TNS1: variants seen among roughly 807,000 people sequenced by gnomAD.
The protein encoded by TNS1 is tensin 1.
A neutral mutation model predicts 168.6 loss-of-function variants in TNS1; 62 were observed. The observed-to-expected ratio is 0.37, with a 90% confidence interval of 0.30 to 0.45. TNS1 has a LOEUF of 0.45. TNS1 is among the 20% of genes least tolerant of loss of function. The probability of loss-of-function intolerance (pLI) is 1.00; values close to 1 mark genes in which losing one functional copy is unlikely to be tolerated. For missense variants in TNS1, 2,240 were observed against 2,339.4 expected (o/e 0.96, Z 0.88); for synonymous variants, 934 against 933.2 (o/e 1.00, Z -0.02).
intron 1 of TNS1, among the ~76,000 whole-genome samples, chr2:218,029,309 A>C (rs775588612): frequency 4.5e-5 from 3 of 67,284 alleles, no homozygotes; most frequent in Non-Finnish European, 9.7e-5. Flanking sequence ...GGCATCCCTC[A>C]CCCCCATCAA....
chr2:217,801,714 G>T lies in TNS1; in HGVS notation c.*2745C>A, dbSNP rs1315746000. ...GAGTGTTGTGTGTGCGTAGGTGTGTGCATGGGTGCACAGCCCGCCGTGACA... is the reference window on the plus strand; with the variant it reads ...GAGTGTTGTGTGTGCGTAGGTGTGTTCATGGGTGCACAGCCCGCCGTGACA... On this transcript the variant is annotated 3_prime_UTR_variant, in exon 33 of 33. Coordinates refer to ENST00000682258, the MANE Select transcript of TNS1 (RefSeq NM_001387777.1). The T allele has an allele frequency of 6.6e-6, 1 of 152,270 alleles. No homozygotes were observed. The highest frequency in any genetic ancestry group is 1.5e-5 in the Non-Finnish European group (1 of 68,060). 9.4% of individuals were successfully genotyped at this position (152,270 alleles called of 1,614,324 possible).
intron 6 of TNS1, chr2:217,903,568 C>T: frequency 2.0e-6 from 3 of 1,532,636 alleles, no homozygotes; most frequent in Non-Finnish European, 2.6e-6. Flanking sequence ...TCATCCAACT[C>T]TCTAAACACC....
intron 2 of TNS1, chr2:217,987,094 T>G (rs1031887156): frequency 3.9e-5 from 6 of 152,202 alleles, no homozygotes; most frequent in Admixed American, 3.3e-4. Context: ...AATTGATTTA[T>G]CCAAGATCAC....
intron 1 of TNS1, among the ~76,000 whole-genome samples, chr2:218,008,132 G>A (rs1313257232): frequency 5.9e-5 from 9 of 151,990 alleles, no homozygotes; most frequent in South Asian, 2.1e-4. Flanking sequence ...TTCCCCTACC[G>A]CCCCTTCCCC....
chr2:217,855,294 G>A (rs542740798), intron 18 of TNS1, among the ~76,000 whole-genome samples: 6 of 152,116 alleles, frequency 3.9e-5, no homozygotes, highest in South Asian at 4.2e-4. Context: ...TGTTCCTTCC[G>A]TGCAATGCCC....
intron 18 of TNS1, among the ~76,000 whole-genome samples, chr2:217,862,669 G>A (rs1435600795): frequency 1.4e-5 from 2 of 140,548 alleles, no homozygotes; most frequent in African/African-American, 2.6e-5. Flanking sequence ...CCAAGTCAGC[G>A]AAGGGAAGAG....
chr2:217,909,188 C>T (rs1029892736), intron 4 of TNS1, among the ~76,000 whole-genome samples: 17 of 151,840 alleles, frequency 1.1e-4, no homozygotes, highest in East Asian at 1.9e-4. Flanking sequence ...GTCATTCCCA[C>T]GTGGAGACCT....
intron 1 of TNS1, among the ~76,000 whole-genome samples, chr2:218,030,394 C>A (rs1330145405): frequency 6.6e-6 from 1 of 152,228 alleles, no homozygotes; most frequent in African/African-American, 2.4e-5. Flanking sequence ...ACTTAGCCTC[C>A]ATAGCACTGT....
chr2:217,805,154 T>A (rs1326258420), intron 32 of TNS1, among the ~76,000 whole-genome samples: 2 of 151,534 alleles, frequency 1.3e-5, no homozygotes, highest in Non-Finnish European at 2.9e-5. Flanking sequence ...AAAGGGAAGG[T>A]GGACCCCACA....
chr2:217,920,439 G>A lies in TNS1; in HGVS notation c.187-203C>T, dbSNP rs528402208. Among the ~76,000 whole-genome samples the A allele has an allele frequency of 1.1e-4, 16 of 152,260 alleles. No homozygotes were observed. The East Asian group carries it at 1.7e-3, about 17-fold the overall frequency. ...ACGCCTGGGAAAGGGAGCGGGGGCC[G>A]CAGAAGGCAAAAATGAAATGAGCGT... On this transcript the variant is annotated intron_variant, in intron 3 of 32. Transcript: ENST00000682258.
At chr2:218,026,132 T>C (rs1336035616) in intron 1 of TNS1, among the ~76,000 whole-genome samples, 1 of 152,188 alleles carries the variant, frequency 6.6e-6, no homozygotes, top group Non-Finnish European at 1.5e-5. Context: ...ACATCTTGAT[T>C]AAGAGCTGTC....
chr2:217,951,449 A>G (rs563486561), intron 3 of TNS1, among the ~76,000 whole-genome samples: 4 of 152,292 alleles, frequency 2.6e-5, no homozygotes, highest in Non-Finnish European at 5.9e-5. Context: ...CCAGCACCCC[A>G]TTGGGTATTG....
chr2:217,907,537 C>A (rs779014251), intron 4 of TNS1, among the ~76,000 whole-genome samples: 2 of 152,222 alleles, frequency 1.3e-5, no homozygotes, highest in African/African-American at 2.4e-5. Flanking sequence ...AGTTGCTGAC[C>A]CCACAAATTG....
At chr2:217,835,980 C>A in intron 20 of TNS1, 35 bp downstream of exon 20, 2 of 1,570,122 alleles carry the variant, frequency 1.3e-6, no homozygotes, top group South Asian at 2.3e-5. Context: ...GCACCACTAC[C>A]CTCCATAGCC....
Position 217,986,730 on chromosome 2 carries a change from TACACACACAC to T in TNS1, c.148+4202_148+4211del, listed in dbSNP as rs60286055. On this transcript the variant is annotated intron_variant, in intron 2 of 32. Transcript: ENST00000682258. The surrounding 1 kb of genome is among the most constrained non-coding windows in gnomAD (Gnocchi z 4.7). ...ACTGAGTCAGAAACGGCCCTCCACA[TACACACACAC>T]ACACACACACACACACACACACGCA... 2,106 of 147,528 alleles carry T rather than the reference TACACACACAC, an allele frequency of 0.014. 58 individuals carry two copies. The highest frequency in any genetic ancestry group is 0.048 in the African/African-American group (1,930 of 40,346). The allele number at this position is 147,528 out of a possible 1,614,324, so 9.1% of individuals were successfully genotyped here. A position where few individuals can be genotyped will look rare whatever the true frequency, so the allele number is the denominator to read the frequency against.
chr2:218,017,167 G>C (rs1178875517), intron 1 of TNS1, among the ~76,000 whole-genome samples: 1 of 152,160 alleles, frequency 6.6e-6, no homozygotes, highest in African/African-American at 2.4e-5. Context: ...CTGTGATCAG[G>C]AGCCACCCTG....
chr2:217,981,033 G>A (rs1958035663), intron 2 of TNS1, among the ~76,000 whole-genome samples: 1 of 152,170 alleles, frequency 6.6e-6, no homozygotes, highest in Non-Finnish European at 1.5e-5. Context: ...AGTTGCCCTG[G>A]GTAACTTCTC....
chr2:217,896,202 G>T (rs1230013703), intron 8 of TNS1, among the ~76,000 whole-genome samples: 2 of 152,208 alleles, frequency 1.3e-5, no homozygotes, highest in African/African-American at 4.8e-5. Context: ...TTGAACCCAG[G>T]ACTTTCTGAG....
chr2:217,823,296 T>C (rs1943154790), intron 22 of TNS1, among the ~76,000 whole-genome samples: 1 of 152,178 alleles, frequency 6.6e-6, no homozygotes, highest in African/African-American at 2.4e-5. Context: ...GGACAGTGTA[T>C]GGGCATGGCT....
Sources: gnomAD v4.1 joint callset for allele counts (sites outside exome capture counted in the v4.1 genomes callset) on GRCh38, gnomAD v4.1.1 for gene constraint, Gnocchi (gnomAD v3.1) non-coding constraint, MANE v1.5 for transcripts, NCBI Gene and HGNC (gene_info 2026-07-23, HGNC 2026-07-21) for gene names.